The following PTPRU variants were observed in gnomAD, a reference collection of about 807,000 sequenced individuals.
PTPRU encodes the protein receptor-type tyrosine-protein phosphatase U.
Under a neutral mutation model 166.3 loss-of-function variants are expected in PTPRU, and 69 were observed. The observed-to-expected ratio is 0.41, with a 90% CI of 0.34 to 0.51. PTPRU has a LOEUF of 0.51. Among genes scored for constraint, PTPRU ranks in the 20% least tolerant of loss-of-function variants. PTPRU has a pLI of 0.09. For missense variants in PTPRU, 1,657 were observed against 2,013.7 expected, an observed-to-expected ratio of 0.82 and a Z score of 3.39; for synonymous variants, 793 against 814.0, an observed-to-expected ratio of 0.97 and a Z score of 0.44.
At position 29,255,361 on chromosome 1, in the gene PTPRU, G is replaced by A. The variant is rs1684731905; in HGVS notation, c.160G>A (p.Val54Met). 1 of 1,614,180 alleles carries A rather than the reference G, an allele frequency of 6.2e-7. No homozygotes were observed. The highest frequency in any genetic ancestry group is 1.3e-5 in the African/African-American group (1 of 75,056). The change falls in exon 2 of 30, where the codon GTG becomes ATG. Residue 54 changes from valine to methionine, a missense_variant. Physicochemically the swap from Val to Met is conservative, Grantham distance 21 (BLOSUM62 1). This residue lies in a region of PTPRU where 453 missense variants were observed against 496.9 expected (regional missense o/e 0.91). Transcript: ENST00000373779. ...AQYDDFQWEQ[V>M]RIHPGTRAPA... Reference sequence around the variant, plus strand: ...GTACGATGACTTCCAGTGGGAGCAAGTGCGAATCCACCCTGGCACCCGGGC... The same window carrying A: ...GTACGATGACTTCCAGTGGGAGCAAATGCGAATCCACCCTGGCACCCGGGC...
chr1:29,289,303 G>A (rs1557453597), intron 14 of PTPRU, among the ~76,000 whole-genome samples: 1 of 152,156 alleles, frequency 6.6e-6, no homozygotes, highest in African/African-American at 2.4e-5. Flanking sequence ...GTCTGCACCT[G>A]TGTGTCTGCA....
rs146768641 is a variant in PTPRU at position 29,319,369 on chromosome 1, C to T, written c.3688-1316C>T. Among the ~76,000 whole-genome samples the T allele has an allele frequency of 3.9e-3, 600 of 152,288 alleles. 3 individuals carry two copies. The highest frequency in any genetic ancestry group is 0.014 in the African/African-American group (571 of 41,570). On this transcript the variant is annotated intron_variant, in intron 25 of 29. Transcript: ENST00000373779. ...CCTGGCCCTGATGGGTGGGTTATCA[C>T]GTGGAAAAGTTCTGAGACAGCCCTG...
At chr1:29,261,015 A>AT in intron 7 of PTPRU, 112 bp downstream of exon 7, 2 of 1,213,694 alleles carry the variant, frequency 1.6e-6, no homozygotes, top group Non-Finnish European at 2.2e-6. Context: ...AAACATTGTG[A>AT]TTTTTCCTCA....
In PTPRU at chr1:29,259,433, A is replaced by T; in HGVS notation, c.560-16A>T. 1 of 1,609,434 alleles carries T rather than the reference A, an allele frequency of 6.2e-7. No individual in the cohort carries two copies. The highest frequency in any genetic ancestry group is 8.5e-7 in the Non-Finnish European group (1 of 1,176,908). ...GGGGTGCAGGCCCAGCTCACGATGC[A>T]GCTCTAACCCCGCAGCAAAGGCCCC... is the stretch of plus-strand genomic sequence containing the variant. On this transcript the variant is annotated splice_polypyrimidine_tract_variant and intron_variant, in intron 4 of 29. Transcript: ENST00000373779.
At chr1:29,256,975 T>A (rs1180896596) in intron 2 of PTPRU, among the ~76,000 whole-genome samples, 9 of 152,130 alleles carry the variant, frequency 5.9e-5, no homozygotes, top group Non-Finnish European at 1.3e-4. Context: ...GTCTTTGTCC[T>A]CCTGGTTCTC....
intron 15 of PTPRU, among the ~76,000 whole-genome samples, chr1:29,293,871 A>G (rs1444132704): frequency 2.0e-5 from 3 of 152,224 alleles, no homozygotes; most frequent in Non-Finnish European, 1.5e-5. Flanking sequence ...ATCACACACT[A>G]CTTAACTCCA....
intron 15 of PTPRU, among the ~76,000 whole-genome samples, chr1:29,295,754 T>C (rs1453761494): frequency 6.6e-6 from 1 of 152,074 alleles, no homozygotes; most frequent in Admixed American, 6.6e-5. Flanking sequence ...TGGCGCAATC[T>C]CAGCTCACTC....
At chr1:29,289,800 G>T (rs1686538427) in intron 14 of PTPRU, 4 of 1,480,968 alleles carry the variant, frequency 2.7e-6, no homozygotes, top group East Asian at 4.7e-5. Flanking sequence ...GCTTAGTCTC[G>T]CTGCACCCAG....
intron 25 of PTPRU, among the ~76,000 whole-genome samples, chr1:29,318,984 G>T (rs1016694983): frequency 6.6e-6 from 1 of 152,224 alleles, no homozygotes. Flanking sequence ...TCCTTGGCAG[G>T]ACAGTGCGGG....
At position 29,317,789 on chromosome 1, in the gene PTPRU, C is replaced by T. The variant is rs997812260; in HGVS notation, c.3555C>T (p.Cys1185=). 6.2e-6 allele frequency: 10 copies of T among 1,612,634 alleles called. No individual in the cohort carries two copies. The highest frequency in any genetic ancestry group is 1.6e-4 in the Middle Eastern group (1 of 6,062). Residue 1185 remains cysteine, a synonymous_variant, in exon 25 of 30, where the codon TGC becomes TGT. Transcript: ENST00000373779. The surrounding 1 kb of genome is among the most constrained non-coding windows in gnomAD (Gnocchi z 5.6). ...CCCCGCCGCTGGACGTGGAGGAGTG[C>T]AGCATCGCCCTGTTGCCCCGGAACC... ...SVTPPLDVEE[C]SIALLPRNRD... is the part of the protein sequence containing the mutation.
intron 15 of PTPRU, among the ~76,000 whole-genome samples, chr1:29,293,996 A>T (rs1256220460): frequency 6.6e-6 from 1 of 152,216 alleles, no homozygotes; most frequent in East Asian, 1.9e-4. Flanking sequence ...TCTGCCATCC[A>T]TGGGCATTCG....
At chr1:29,304,146 T>C in intron 16 of PTPRU, 101 bp downstream of exon 16, 1 of 1,339,122 alleles carries the variant, frequency 7.5e-7, no homozygotes, top group Non-Finnish European at 1.0e-6. Context: ...TAGTCCTGGT[T>C]GGACGCCTGC....
chr1:29,294,721 A>G lies in PTPRU; in HGVS notation c.2476+2695A>G, dbSNP rs1158404032. ...ACATTTTATATTTAAATCTTTATCC[A>G]TCTGGAATTGATTTTTGTGTGTGGT... On this transcript the variant is annotated intron_variant, in intron 15 of 29. Transcript: ENST00000373779. Among the ~76,000 whole-genome samples, 3 of 152,098 alleles carry G rather than the reference A, an allele frequency of 2.0e-5. No individual in the cohort carries two copies. In the East Asian group the frequency reaches 5.8e-4, roughly 29 times the overall value.
rs1687642541 is a variant in PTPRU, at chr1:29,311,259, C to G, written c.2858-197C>G. ...GGATGAGCGGGCTCTTTAGCCAGGC[C>G]CTCTCCTGATGCTACCCAACCTCAG... On this transcript the variant is annotated intron_variant, in intron 19 of 29. Transcript: ENST00000373779. The surrounding 1 kb of genome is among the most constrained non-coding windows in gnomAD (Gnocchi z 4.1). The G allele has an allele frequency of 1.6e-6, 1 of 609,674 alleles. No homozygotes were observed. The highest frequency in any genetic ancestry group is 1.9e-5 in the African/African-American group (1 of 54,016). The allele number at this position is 609,674 out of a possible 1,614,324, so 37.8% of individuals were successfully genotyped here.
Position 29,315,604 on chromosome 1 carries a change from C to A in PTPRU, c.3363+97C>A. The A allele has an allele frequency of 6.5e-7, 1 of 1,530,464 alleles. No individual in the cohort carries two copies. The highest frequency in any genetic ancestry group is 8.9e-7 in the Non-Finnish European group (1 of 1,117,732). The allele number at this position is 1,530,464 out of a possible 1,614,324, so 94.8% of individuals were successfully genotyped here. On this transcript the variant is annotated intron_variant, in intron 23 of 29. Coordinates refer to ENST00000373779, the MANE Select transcript of PTPRU (RefSeq NM_133178.4). This position sits in a 1 kb window ranked among gnomAD's most constrained non-coding sequence, Gnocchi z 4.5. ...CCGGCAGAGCATGCCCAAAGGGTGT[C>A]CTGAGGCTCTTGCCTTCCCTCAGAT...
chr1:29,302,042 G>A (rs972683236), intron 15 of PTPRU, among the ~76,000 whole-genome samples: 2 of 151,956 alleles, frequency 1.3e-5, no homozygotes, highest in African/African-American at 2.4e-5. Context: ...AGGTGATGAC[G>A]GCTACGTGTG....
At chr1:29,253,964 C>T (rs1449157052) in intron 1 of PTPRU, among the ~76,000 whole-genome samples, 1 of 152,096 alleles carries the variant, frequency 6.6e-6, no homozygotes, top group East Asian at 1.9e-4. Flanking sequence ...AGCCACCTGC[C>T]CCTGGTCACA....
Position 29,320,400 on chromosome 1 carries a change from G to C in PTPRU, c.3688-285G>C, listed in dbSNP as rs1340617474. 4 of 340,792 alleles carry C rather than the reference G, an allele frequency of 1.2e-5. No homozygotes were observed. Among genetic ancestry groups the C allele is most frequent in the Non-Finnish European group, 1.1e-5 (2 of 189,468 alleles). 21.1% of individuals were successfully genotyped at this position (340,792 alleles called of 1,614,324 possible). A position where few individuals can be genotyped will look rare whatever the true frequency, so the allele number is the denominator to read the frequency against. ...AGTAAGCTCGGCCAGCCTCTGCCTTGAGCTCAGCCTCATGCCCAAGCTCCC... is the reference window on the plus strand; with the variant it reads ...AGTAAGCTCGGCCAGCCTCTGCCTTCAGCTCAGCCTCATGCCCAAGCTCCC... On this transcript the variant is annotated intron_variant, in intron 25 of 29. Coordinates refer to ENST00000373779, the MANE Select transcript of PTPRU (RefSeq NM_133178.4). The surrounding 1 kb of genome is among the most constrained non-coding windows in gnomAD (Gnocchi z 5.2).
chr1:29,238,270 C>T lies in PTPRU; in HGVS notation c.73+1553C>T, dbSNP rs1479404958. ...GTGGACGGTGTGTCGGATGTGTGTG[C>T]GTGCGCGTGTTCCACATCCCACCCT... On this transcript the variant is annotated intron_variant, in intron 1 of 29. Transcript: ENST00000373779. This position sits in a 1 kb window ranked among gnomAD's most constrained non-coding sequence, Gnocchi z 6.1. 1.3e-5 allele frequency among the ~76,000 whole-genome samples: 2 copies of T among 152,070 alleles called. No individual in the cohort carries two copies. The highest frequency in any genetic ancestry group is 1.9e-4 in the East Asian group (1 of 5,150).
Sources: allele counts gnomAD v4.1 joint callset (sites outside exome capture counted in the v4.1 genomes callset), GRCh38; gene constraint gnomAD v4.1.1; regional missense constraint gnomAD v4.1.1; non-coding constraint Gnocchi (gnomAD v3.1); transcripts MANE v1.5; gene names NCBI Gene and HGNC (gene_info 2026-07-23, HGNC 2026-07-21).